The following DDX54 variants were observed in gnomAD, a reference collection of about 807,000 sequenced individuals.
DDX54 encodes the protein ATP-dependent RNA helicase DDX54.
Under a neutral mutation model 105.5 loss-of-function variants are expected in DDX54, and 67 were observed. That is an observed-to-expected ratio of 0.64 (90% confidence interval 0.52 to 0.78). The LOEUF is 0.78. DDX54 is among the 30% of genes least tolerant of loss of function. The pLI is 0.00. For synonymous variants in DDX54, 514 were observed against 509.9 expected (o/e 1.01, Z -0.11); for missense variants, 1,206 against 1,230.5 (o/e 0.98, Z 0.30).
In DDX54 at chr12:113,179,021, G is replaced by A. The variant is rs777825534; in HGVS notation, c.570C>T (p.Gly190=). The part of the protein sequence containing the change: ...LQTLKFTKEL[G]KFTGLKTALI... ...GGGCAGTCTTGAGGCCAGTGAACTT[G>A]CCTAGCTGAGAAGAGAAAGTGATTG... Residue 190 remains glycine, a synonymous_variant, in exon 5 of 20, where the codon GGC becomes GGT. Transcript: ENST00000306014. 1 of 1,614,096 alleles carries A rather than the reference G, an allele frequency of 6.2e-7. No individual in the cohort carries two copies. Among genetic ancestry groups the A allele is most frequent in the Non-Finnish European group, 8.5e-7 (1 of 1,180,004 alleles).
At chr12:113,169,621 A>G (rs1454146535) in intron 12 of DDX54, 149 bp downstream of exon 12, 1 of 1,138,944 alleles carries the variant, frequency 8.8e-7, no homozygotes, top group African/African-American at 1.6e-5. Context: ...GCTCTGTCTC[A>G]AAAAATAAAC....
rs370336359 is a variant in DDX54, at chr12:113,179,263, G to A, written c.444C>T (p.Ala148=). 2.5e-6 allele frequency: 4 copies of A among 1,614,140 alleles called. No individual in the cohort carries two copies. Among genetic ancestry groups the A allele is most frequent in the East Asian group, 2.2e-5 (1 of 44,880 alleles). ...AMARTGSGKT[A]CFLLPMFERL... is the part of the protein sequence containing the mutation. ...GCTCGAACATTGGGAGGAGGAAGCA[G>A]GCTGTCTTGCCACTGCCCGTCCGGG... The change falls in exon 4 of 20, where the codon GCC becomes GCT. Residue 148 remains alanine, a synonymous_variant. Transcript: ENST00000306014.
rs768645747 is a variant in DDX54 at position 113,158,965 on chromosome 12, C to T, written c.2558G>A (p.Arg853His). ...QRGGLKQLSA[R>H]NRRRVQELQQ... The stretch of plus-strand genomic sequence containing the variant: ...CAGCTCCTGGACGCGGCGGCGGTTG[C>T]GGGCAGAGAGCTGCTTGAGGCCACC... Residue 853 changes from arginine to histidine, a missense_variant, in exon 20 of 20, where the codon CGC (arginine) becomes CAC (histidine). By Grantham distance (29) the Arg-to-His change is conservative (BLOSUM62 0). Transcript: ENST00000306014. The surrounding 1 kb of genome is among the most constrained non-coding windows in gnomAD (Gnocchi z 4.9). 7 of 1,611,122 alleles carry T rather than the reference C, an allele frequency of 4.3e-6. No homozygotes were observed. The highest frequency in any genetic ancestry group is 5.9e-6 in the Non-Finnish European group (7 of 1,178,970).
chr12:113,182,049 T>C (rs1952474380), intron 1 of DDX54, among the ~76,000 whole-genome samples: 1 of 152,060 alleles, frequency 6.6e-6, no homozygotes, highest in African/African-American at 2.4e-5. Context: ...GGCTGAAACT[T>C]ACAAGGTATC....
chr12:113,178,037 A>G (rs1246617288), intron 5 of DDX54, among the ~76,000 whole-genome samples: 1 of 152,100 alleles, frequency 6.6e-6, no homozygotes. Flanking sequence ...GGAGTTTGAG[A>G]CCAGCCTGAG....
chr12:113,179,979 T>A lies in DDX54; in HGVS notation c.331A>T (p.Ile111Phe). The A allele has an allele frequency of 6.2e-7, 1 of 1,614,132 alleles. No individual in the cohort carries two copies. Among genetic ancestry groups the A allele is most frequent in the Non-Finnish European group, 8.5e-7 (1 of 1,180,020 alleles). ...GGCACCTTGTACCCCTTCTTCATGA[T>A]GCCTTTGAACACCGGGTAGCTCAGG... ...MGLSYPVFKG[I>F]MKKGYKVPTP... Residue 111 changes from isoleucine to phenylalanine, a missense_variant, in exon 3 of 20, where the codon ATC (isoleucine) becomes TTC (phenylalanine). By Grantham distance (21) the Ile-to-Phe change is conservative (BLOSUM62 0). Around this residue, in one of 3 missense-constraint regions of DDX54, gnomAD observed 212 missense variants for 155.4 expected, o/e 1.36. Coordinates refer to ENST00000306014, the MANE Select transcript of DDX54 (RefSeq NM_024072.4).
In DDX54 at chr12:113,157,329, G is replaced by T. The variant is rs938031868; in HGVS notation, c.*1548C>A. On this transcript the variant is annotated 3_prime_UTR_variant, in exon 20 of 20. Transcript: ENST00000306014. ...GAAAATAAAGCTGATTGATGTAAAT[G>T]AAAATACTAATTGGATAGTGCAGGT... 4.1e-6 allele frequency: 2 copies of T among 485,690 alleles called. No homozygotes were observed. Among genetic ancestry groups the T allele is most frequent in the Non-Finnish European group, 7.4e-6 (2 of 271,944 alleles). 30.1% of individuals were successfully genotyped at this position (485,690 alleles called of 1,614,324 possible). A position where few individuals can be genotyped will look rare whatever the true frequency, so the allele number is the denominator to read the frequency against.
intron 5 of DDX54, 107 bp from the exon 6 acceptor site, chr12:113,177,200 A>G (rs1952414861): frequency 7.3e-7 from 1 of 1,366,420 alleles, no homozygotes; most frequent in Non-Finnish European, 1.0e-6. Context: ...AGGAACACAG[A>G]CCCAAGGCTT....
At chr12:113,162,676 G>C (rs537066569) in intron 17 of DDX54, 1 of 456,498 alleles carries the variant, frequency 2.2e-6, no homozygotes, top group Non-Finnish European at 3.9e-6. Context: ...CTCACTTCAG[G>C]GAATGGAGGT....
intron 7 of DDX54, among the ~76,000 whole-genome samples, chr12:113,175,525 G>T (rs575453763): frequency 6.6e-6 from 1 of 152,110 alleles, no homozygotes; most frequent in East Asian, 1.9e-4. Flanking sequence ...CAGTGGCTCA[G>T]GCCTGTAATC....
Position 113,163,152 on chromosome 12 carries a change from C to T in DDX54, c.2061G>A (p.Lys687=). 6.2e-7 allele frequency: 1 copy of T among 1,613,286 alleles called. No individual in the cohort carries two copies. Among genetic ancestry groups the T allele is most frequent in the East Asian group, 2.2e-5 (1 of 44,882 alleles). ...CTCACCCCCGCTCGCTGTCAAAGTC[C>T]TTGGGCCGGTAGGGGATGTAGAATT... ...DQEFYIPYRP[K]DFDSERGLSI... is the part of the protein sequence containing the mutation. Residue 687 remains lysine, a synonymous_variant, in exon 16 of 20, where the codon AAG becomes AAA. Coordinates refer to ENST00000306014, the MANE Select transcript of DDX54 (RefSeq NM_024072.4). The surrounding 1 kb of genome is among the most constrained non-coding windows in gnomAD (Gnocchi z 5.9).
rs767249395 is a variant in DDX54, at chr12:113,169,919, C to T, written c.1280-15G>A. 4.3e-6 allele frequency: 7 copies of T among 1,613,614 alleles called. No individual in the cohort carries two copies. Among genetic ancestry groups the T allele is most frequent in the African/African-American group, 2.7e-5 (2 of 74,930 alleles). On this transcript the variant is annotated splice_polypyrimidine_tract_variant and intron_variant, in intron 11 of 19. Transcript: ENST00000306014. Reference sequence around the variant, plus strand: ...AGCCACACGGCCTGCAGCAAGGAGACGTTCAAGCTTAATTAAGCAAAGAAG... The same window carrying T: ...AGCCACACGGCCTGCAGCAAGGAGATGTTCAAGCTTAATTAAGCAAAGAAG...
chr12:113,170,100 T>C (rs987026122), intron 11 of DDX54, among the ~76,000 whole-genome samples, 196 bp from the exon 12 acceptor site: 4 of 152,144 alleles, frequency 2.6e-5, no homozygotes, highest in African/African-American at 9.7e-5. Flanking sequence ...GCTGACACAG[T>C]GCTCTGGGAG....
intron 10 of DDX54, among the ~76,000 whole-genome samples, chr12:113,173,049 T>C (rs745669823): frequency 3.3e-5 from 5 of 152,114 alleles, no homozygotes; most frequent in Non-Finnish European, 5.9e-5. Context: ...TCTTTACAGA[T>C]TACTATTTAA....
chr12:113,181,107 C>G, intron 1 of DDX54, 49 bp from the exon 2 acceptor site: 1 of 1,581,382 alleles, frequency 6.3e-7, no homozygotes, highest in Non-Finnish European at 8.6e-7. Flanking sequence ...ACAGTGGGAC[C>G]ACAGGGGGCA....
At chr12:113,159,361 G>A in intron 19 of DDX54, 1 of 496,258 alleles carries the variant, frequency 2.0e-6, no homozygotes, top group Non-Finnish European at 3.5e-6. Context: ...GAAGTTAACG[G>A]CTCTGTGCCT....
In DDX54 at chr12:113,157,938, G is replaced by A. The variant is rs1006683189; in HGVS notation, c.*939C>T. 1 of 545,306 alleles carries A rather than the reference G, an allele frequency of 1.8e-6. No individual in the cohort carries two copies. The highest frequency in any genetic ancestry group is 1.9e-5 in the African/African-American group (1 of 53,162). 33.8% of individuals were successfully genotyped at this position (545,306 alleles called of 1,614,324 possible). The stretch of plus-strand genomic sequence containing the variant: ...TGTGTGGGGCAACTGCCTCTAAAAT[G>A]AGATCAGACCAGGCCCTCCCTGCCA... On this transcript the variant is annotated 3_prime_UTR_variant, in exon 20 of 20. Transcript: ENST00000306014.
intron 10 of DDX54, among the ~76,000 whole-genome samples, chr12:113,174,027 A>G (rs1209672092): frequency 6.6e-6 from 1 of 152,144 alleles, no homozygotes; most frequent in Non-Finnish European, 1.5e-5. Flanking sequence ...CATGAGAAAT[A>G]CAAAAATTAG....
chr12:113,160,997 G>A (rs1057307591), intron 19 of DDX54, among the ~76,000 whole-genome samples: 1 of 151,948 alleles, frequency 6.6e-6, no homozygotes, highest in Non-Finnish European at 1.5e-5. Context: ...AAGGGGGTCG[G>A]GGACAAGGCA....
Sources: gnomAD v4.1 joint callset for allele counts (sites outside exome capture counted in the v4.1 genomes callset) on GRCh38, gnomAD v4.1.1 for gene constraint, gnomAD v4.1.1 regional missense constraint, Gnocchi (gnomAD v3.1) non-coding constraint, MANE v1.5 for transcripts, NCBI Gene and HGNC (gene_info 2026-07-23, HGNC 2026-07-21) for gene names.